Variants in HPD observed in about 807,000 individuals in gnomAD.
HPD encodes the protein 4-hydroxyphenylpyruvic acid oxidase.
Under a neutral mutation model 56.9 loss-of-function variants are expected in HPD, and 35 were observed. The ratio of observed to expected loss-of-function variants is 0.62; its 90% CI spans 0.47 to 0.82. The LOEUF is 0.82. Among genes scored for constraint, HPD ranks in the 40% least tolerant of loss-of-function variants. The probability of loss-of-function intolerance (pLI) is 0.00; values close to 1 mark genes in which losing one functional copy is unlikely to be tolerated. For missense variants in HPD, 442 were observed against 506.8 expected (o/e 0.87, Z 1.23); for synonymous variants, 186 against 200.2 (o/e 0.93, Z 0.60).
At chr12:121,879,064 C>T in the HPD span, among the ~76,000 whole-genome samples, 1 of 151,962 alleles carries the variant, frequency 6.6e-6, no homozygotes, top group Non-Finnish European at 1.5e-5. Flanking sequence ...GCGGGTGTAT[C>T]GCCTGAGGTC....
the HPD span, among the ~76,000 whole-genome samples, chr12:121,886,410 G>GTTTTT: frequency 2.7e-5 from 3 of 110,292 alleles, no homozygotes; most frequent in African/African-American, 1.1e-4. Flanking sequence ...GCCTGGCCTA[G>GTTTTT]TTTTTTTTTT....
the HPD span, among the ~76,000 whole-genome samples, chr12:121,879,482 GTTCTCTTCTC>G: frequency 4.4e-4 from 65 of 148,012 alleles, no homozygotes; most frequent in African/African-American, 1.5e-3. Context: ...TTTCTCTTCT[GTTCTCTTCTC>G]TTCTCTTCTC....
the HPD span, among the ~76,000 whole-genome samples, chr12:121,883,179 GTT>G: frequency 8.5e-6 from 1 of 117,434 alleles, no homozygotes; most frequent in South Asian, 3.0e-4. Flanking sequence ...TGGAGCATAA[GTT>G]GTGTGTGTGT....
chr12:121,857,557 G>T, intron 3 of HPD, 125 bp from the exon 4 acceptor site: 3 of 864,260 alleles, frequency 3.5e-6, no homozygotes, highest in South Asian at 1.4e-5. Flanking sequence ...AGACCCTCCT[G>T]GGAAGATAGA....
At chr12:121,874,952 G>A in the HPD span, among the ~76,000 whole-genome samples, 11 of 152,136 alleles carry the variant, frequency 7.2e-5, no homozygotes, top group African/African-American at 2.6e-4. Context: ...GTAGAGAGGG[G>A]TTTCTCCATG....
the HPD span, among the ~76,000 whole-genome samples, chr12:121,876,794 A>G: frequency 6.6e-6 from 1 of 152,146 alleles, no homozygotes; most frequent in East Asian, 1.9e-4. Context: ...AGTCTTAGGA[A>G]GAACTGTGGC....
chr12:121,848,134 C>T (rs1182301438), intron 9 of HPD, among the ~76,000 whole-genome samples: 6 of 152,052 alleles, frequency 3.9e-5, no homozygotes, highest in African/African-American at 1.4e-4. Flanking sequence ...TCCTCCAAGC[C>T]TCCCTGGACT....
At chr12:121,872,521 G>A in the HPD span, among the ~76,000 whole-genome samples, 2 of 151,882 alleles carry the variant, frequency 1.3e-5, no homozygotes, top group South Asian at 2.1e-4. Context: ...ATGAGCCACC[G>A]TGCCTGGCCT....
chr12:121,875,717 C>T, the HPD span, among the ~76,000 whole-genome samples: 1 of 152,132 alleles, frequency 6.6e-6, no homozygotes, highest in Non-Finnish European at 1.5e-5. Flanking sequence ...TGAGCCACTG[C>T]ACCTGGCCGG....
chr12:121,869,264 C>T, the HPD span, among the ~76,000 whole-genome samples: 7 of 151,130 alleles, frequency 4.6e-5, no homozygotes, highest in South Asian at 6.2e-4. Flanking sequence ...GCAGGAGAAT[C>T]GCTTGAACCT....
chr12:121,841,769 C>G (rs866227956), intron 12 of HPD, among the ~76,000 whole-genome samples: 1 of 151,904 alleles, frequency 6.6e-6, no homozygotes, highest in African/African-American at 2.4e-5. Context: ...CTGCAACCTC[C>G]CCTTCCCTGG....
At position 121,839,759 on chromosome 12, in the gene HPD, A is replaced by C. The variant is rs781234105; in HGVS notation, c.1151T>G (p.Met384Arg). Residue 384 changes from methionine (M) to arginine (R), a missense_variant, in exon 14 of 14, where the codon ATG becomes AGG. Physicochemically the swap from Met to Arg is moderately conservative, Grantham distance 91. Transcript: ENST00000289004. ...EQNLRGNLTN[M>R]ETNGVVPGM The stretch of plus-strand genomic sequence containing the variant: ...GCCGGGCACCACCCCATTGGTCTCC[A>C]TGTTGGTGAGGTTACCCCGCAGGTT... The C allele has an allele frequency of 3.7e-6, 6 of 1,614,114 alleles. No homozygotes were observed. The South Asian group carries it at 5.5e-5, about 15-fold the overall frequency.
chr12:121,880,015 T>C, the HPD span, among the ~76,000 whole-genome samples: 2 of 151,706 alleles, frequency 1.3e-5, no homozygotes, highest in African/African-American at 4.8e-5. Flanking sequence ...GGTGTGGTGG[T>C]GTATGTATAT....
chr12:121,847,944 T>C (rs949725137), intron 9 of HPD, among the ~76,000 whole-genome samples: 1 of 152,208 alleles, frequency 6.6e-6, no homozygotes, highest in Non-Finnish European at 1.5e-5. Context: ...ATTCCAAATA[T>C]GGGCCACCAC....
chr12:121,844,513 T>A (rs985077330), intron 11 of HPD, among the ~76,000 whole-genome samples: 2 of 149,768 alleles, frequency 1.3e-5, no homozygotes, highest in Non-Finnish European at 3.0e-5. Flanking sequence ...TTTTGGAGGC[T>A]GAGGCGGGCA....
upstream of HPD, chr12:121,859,044 C>T (rs924425141): frequency 5.3e-5 from 32 of 604,122 alleles, no homozygotes; most frequent in Non-Finnish European, 8.9e-5. Context: ...GGGGCAGTGA[C>T]GTCCACTAGT....
upstream of HPD, among the ~76,000 whole-genome samples, chr12:121,862,260 G>A (rs979303854): frequency 6.6e-6 from 1 of 151,972 alleles, no homozygotes; most frequent in Admixed American, 6.6e-5. Flanking sequence ...CTCTCTAATG[G>A]GACCATTTAC....
intron 10 of HPD, 55 bp from the exon 11 acceptor site, chr12:121,846,988 G>C: frequency 6.2e-7 from 1 of 1,612,706 alleles, no homozygotes; most frequent in Admixed American, 1.7e-5. Context: ...CCACATCCCT[G>C]ACCCTACAAG....
chr12:121,867,939 G>A (rs1173591868), upstream of HPD, among the ~76,000 whole-genome samples: 1 of 152,110 alleles, frequency 6.6e-6, no homozygotes, highest in East Asian at 1.9e-4. Context: ...CAATATGTTG[G>A]CATTATAGGT....
Sources: allele counts gnomAD v4.1 joint callset (sites outside exome capture counted in the v4.1 genomes callset), GRCh38; gene constraint gnomAD v4.1.1; transcripts MANE v1.5; gene names NCBI Gene and HGNC (gene_info 2026-07-23, HGNC 2026-07-21).